The following PLXNC1 variants were observed in gnomAD, a reference collection of about 807,000 sequenced individuals.
PLXNC1 encodes the protein plexin C1, also known as plexin-C1.
PLXNC1 carries 75 observed loss-of-function variants against 178.2 expected under a neutral mutation model. That is an observed-to-expected ratio of 0.42 (90% confidence interval 0.35 to 0.51). The LOEUF (loss-of-function observed/expected upper bound fraction) is 0.51. Ranked by LOEUF, PLXNC1 falls within the 20% of genes least tolerant of loss-of-function variation. PLXNC1 has a pLI of 0.02. For synonymous variants in PLXNC1, 790 were observed against 779.9 expected, an observed-to-expected ratio of 1.01 and a Z score of -0.22; for missense variants, 1,503 against 1,984.4, an observed-to-expected ratio of 0.76 and a Z score of 4.61.
intron 21 of PLXNC1, chr12:94,278,243 C>A (rs1368147093): frequency 1.4e-5 from 5 of 354,110 alleles, no homozygotes; most frequent in Non-Finnish European, 2.8e-5. Context: ...TCACACCATA[C>A]CCAAGCCTTT....
chr12:94,283,498 C>T (rs563569491), intron 23 of PLXNC1, among the ~76,000 whole-genome samples: 1 of 152,200 alleles, frequency 6.6e-6, no homozygotes, highest in Non-Finnish European at 1.5e-5. Context: ...ATTGCCTAGA[C>T]AGAGCTGATT....
chr12:94,259,897 T>C (rs988654807), intron 19 of PLXNC1, among the ~76,000 whole-genome samples, 163 bp downstream of exon 19: 1 of 121,442 alleles, frequency 8.2e-6, no homozygotes, highest in African/African-American at 3.4e-5. Context: ...ACCTTGTCTC[T>C]ACAAAAAAAA....
chr12:94,248,446 A>T (rs1298961916), intron 14 of PLXNC1, 34 bp downstream of exon 14: 8 of 1,513,930 alleles, frequency 5.3e-6, no homozygotes, highest in Non-Finnish European at 7.2e-6. Flanking sequence ...TGCTGTCTTT[A>T]CCTGATTTTT....
Position 94,282,315 on chromosome 12 carries a change from C to T in PLXNC1, c.3793C>T (p.Arg1265Ter), listed in dbSNP as rs747289625. Residue 1265 changes from arginine to a stop codon, truncating the protein, a stop_gained, in exon 23 of 31, where the codon CGA becomes TGA. Transcript: ENST00000258526. LOFTEE classifies it high-confidence loss of function. ...EIGLELQMGT[R>*]QKELLDIDSS... The stretch of plus-strand genomic sequence containing the variant: ...TTTTTCAGAGCTTCAAATGGGCACA[C>T]GACAGAAAGAACTTCTGGACATCGA... 3 of 1,613,268 alleles carry T rather than the reference C, an allele frequency of 1.9e-6. No homozygotes were observed. The highest frequency in any genetic ancestry group is 1.7e-6 in the Non-Finnish European group (2 of 1,179,326).
chr12:94,155,881 A>G (rs939992349), intron 1 of PLXNC1, among the ~76,000 whole-genome samples: 1 of 152,226 alleles, frequency 6.6e-6, no homozygotes, highest in African/African-American at 2.4e-5. Flanking sequence ...GGTTGCATGG[A>G]ATAAAGATCT....
At chr12:94,228,025 A>G (rs1489761425) in intron 9 of PLXNC1, among the ~76,000 whole-genome samples, 1 of 152,164 alleles carries the variant, frequency 6.6e-6, no homozygotes, top group Non-Finnish European at 1.5e-5. Flanking sequence ...AAAGGGCTCC[A>G]TTTTCCATTT....
At chr12:94,293,144 T>A (rs146834711) in intron 23 of PLXNC1, among the ~76,000 whole-genome samples, 6 of 152,366 alleles carry the variant, frequency 3.9e-5, no homozygotes, top group African/African-American at 1.4e-4. Flanking sequence ...ATTGTAAGAT[T>A]TACCCATGTG....
chr12:94,217,521 A>G (rs990740376), intron 5 of PLXNC1, among the ~76,000 whole-genome samples: 12 of 152,290 alleles, frequency 7.9e-5, no homozygotes, highest in African/African-American at 2.9e-4. Flanking sequence ...TCACACAAGT[A>G]TCTTGAACTA....
intron 5 of PLXNC1, among the ~76,000 whole-genome samples, chr12:94,215,182 G>A (rs1175721518): frequency 6.6e-6 from 1 of 152,220 alleles, no homozygotes; most frequent in Non-Finnish European, 1.5e-5. Context: ...ACAGGCGTGA[G>A]CCACCGTGCC....
intron 5 of PLXNC1, among the ~76,000 whole-genome samples, chr12:94,213,151 C>T (rs1963543820): frequency 6.6e-6 from 1 of 152,144 alleles, no homozygotes; most frequent in Non-Finnish European, 1.5e-5. Flanking sequence ...ATTTATAATC[C>T]TTTGGGTATA....
chr12:94,280,074 G>C, intron 22 of PLXNC1: 1 of 339,360 alleles, frequency 2.9e-6, no homozygotes. Context: ...CAGACTCTGG[G>C]TGTTAACTCT....
At chr12:94,166,241 T>C (rs1278968710) in intron 1 of PLXNC1, among the ~76,000 whole-genome samples, 1 of 149,400 alleles carries the variant, frequency 6.7e-6, no homozygotes, top group Non-Finnish European at 1.5e-5. Context: ...GTGCCAAACC[T>C]GTTCTAAGCT....
intron 4 of PLXNC1, among the ~76,000 whole-genome samples, chr12:94,196,468 C>T (rs1451291552): frequency 6.6e-6 from 1 of 152,170 alleles, no homozygotes; most frequent in East Asian, 1.9e-4. Flanking sequence ...TTGGAAGCTT[C>T]CTGAGCCCCT....
At chr12:94,179,777 G>A (rs1035323840) in intron 2 of PLXNC1, among the ~76,000 whole-genome samples, 4 of 150,204 alleles carry the variant, frequency 2.7e-5, no homozygotes, top group African/African-American at 4.9e-5. Context: ...TGGTCCCTGC[G>A]CAAAAGGAGC....
chr12:94,190,637 A>C (rs1253205601), intron 4 of PLXNC1, among the ~76,000 whole-genome samples: 1 of 152,148 alleles, frequency 6.6e-6, no homozygotes, highest in Non-Finnish European at 1.5e-5. Context: ...GTCACTCCCC[A>C]GCTTAATACC....
At chr12:94,199,833 C>T (rs1963053788) in intron 4 of PLXNC1, among the ~76,000 whole-genome samples, 1 of 152,152 alleles carries the variant, frequency 6.6e-6, no homozygotes, top group South Asian at 2.1e-4. Context: ...ATTCTGTTGT[C>T]AGGCTGGAGT....
intron 27 of PLXNC1, among the ~76,000 whole-genome samples, chr12:94,299,551 TC>T (rs1160320791): frequency 1.4e-5 from 2 of 147,032 alleles, no homozygotes; most frequent in Admixed American, 6.9e-5. Context: ...TCCCTTCTCT[TC>T]CTGTGTTCTA....
chr12:94,283,239 G>GGAGGTTATGACTGAACTGAGAGCTA (rs1227090006), intron 23 of PLXNC1, among the ~76,000 whole-genome samples: 4 of 152,200 alleles, frequency 2.6e-5, no homozygotes, highest in Non-Finnish European at 5.9e-5. Context: ...GCTTCCTGGA[G>GGAGGTTATGACTGAACTGAGAGCTA]GAGGTTATGA....
chr12:94,149,898 G>A lies in PLXNC1; in HGVS notation c.927G>A (p.Val309=). 1 of 1,588,830 alleles carries A rather than the reference G, an allele frequency of 6.3e-7. No individual in the cohort carries two copies. The highest frequency in any genetic ancestry group is 8.6e-7 in the Non-Finnish European group (1 of 1,168,536). ...AGGCCCTGGACGTCTGGGCGGGAGTGTTCAGCGCGGCCGCTGGAGAGGGCC... is the reference window on the plus strand; with the variant it reads ...AGGCCCTGGACGTCTGGGCGGGAGTATTCAGCGCGGCCGCTGGAGAGGGCC... ...LVEALDVWAG[V]FSAAAGEGQE... The change falls in exon 1 of 31, where the codon GTG becomes GTA. Residue 309 remains valine, a synonymous_variant. Transcript: ENST00000258526.
Sources: allele counts gnomAD v4.1 joint callset (sites outside exome capture counted in the v4.1 genomes callset), GRCh38; gene constraint gnomAD v4.1.1; transcripts MANE v1.5; gene names NCBI Gene and HGNC (gene_info 2026-07-23, HGNC 2026-07-21).